The following RAB3GAP1 variants were observed in gnomAD, a reference collection of about 807,000 sequenced individuals.
RAB3GAP1 encodes the protein rab3 GTPase-activating protein catalytic subunit.
Under a neutral mutation model 130.7 loss-of-function variants are expected in RAB3GAP1, and 86 were observed. That is an observed-to-expected ratio of 0.66 (90% CI 0.55 to 0.79). RAB3GAP1 has a LOEUF of 0.79. Ranked by LOEUF, RAB3GAP1 falls within the 30% of genes least tolerant of loss-of-function variation. The pLI is 0.00. For missense variants in RAB3GAP1, 1,029 were observed against 1,169.4 expected (o/e 0.88, Z 1.75); for synonymous variants, 367 against 401.7 (o/e 0.91, Z 1.03).
intron 2 of RAB3GAP1, among the ~76,000 whole-genome samples, chr2:135,055,500 A>G (rs1274144498): frequency 1.3e-5 from 2 of 152,134 alleles, no homozygotes; most frequent in South Asian, 4.1e-4. Flanking sequence ...CAGCATGGCG[A>G]AACCTTGTCT....
intron 7 of RAB3GAP1, among the ~76,000 whole-genome samples, chr2:135,117,796 C>CTTCT (rs1553445350): frequency 2.3e-4 from 34 of 150,856 alleles, no homozygotes; most frequent in African/African-American, 8.2e-4. Context: ...GCTTCTTCTT[C>CTTCT]TTCTTCTTCT....
chr2:135,057,178 A>AGAC (rs1415034359), intron 2 of RAB3GAP1, among the ~76,000 whole-genome samples: 19 of 152,212 alleles, frequency 1.2e-4, no homozygotes, highest in Non-Finnish European at 1.5e-5. Flanking sequence ...ACTAGTTTTA[A>AGAC]GACCTGTCAC....
At chr2:135,106,744 A>G (rs564308554) in intron 5 of RAB3GAP1, among the ~76,000 whole-genome samples, 1 of 150,176 alleles carries the variant, frequency 6.7e-6, no homozygotes, top group Admixed American at 6.7e-5. Flanking sequence ...CCCAAGAATC[A>G]TCAATAAATA....
At chr2:135,095,299 C>T (rs1005206005) in intron 5 of RAB3GAP1, among the ~76,000 whole-genome samples, 2 of 152,184 alleles carry the variant, frequency 1.3e-5, no homozygotes, top group East Asian at 1.9e-4. Context: ...CCGCCCGCCT[C>T]GGCCTCCCAA....
chr2:135,072,581 T>C (rs1180299271), intron 3 of RAB3GAP1, among the ~76,000 whole-genome samples: 2 of 152,218 alleles, frequency 1.3e-5, no homozygotes, highest in African/African-American at 4.8e-5. Flanking sequence ...AATATTCTTT[T>C]TATAAATTTC....
Position 135,100,398 on chromosome 2 carries a change from C to T in RAB3GAP1, c.362+6705C>T, listed in dbSNP as rs187663953. 7.2e-5 allele frequency among the ~76,000 whole-genome samples: 11 copies of T among 152,328 alleles called. No homozygotes were observed. In the East Asian group the frequency reaches 1.9e-3, roughly 27 times the overall value. Reference sequence around the variant, plus strand: ...ATCATCCCCTGGTATTTTTCAGTCACCTTCTATGCTCGCTTTTGCCTTTCA... The same window carrying T: ...ATCATCCCCTGGTATTTTTCAGTCATCTTCTATGCTCGCTTTTGCCTTTCA... On this transcript the variant is annotated intron_variant, in intron 5 of 23. Transcript: ENST00000264158.
chr2:135,174,652 T>C (rs1233117133), downstream of RAB3GAP1, among the ~76,000 whole-genome samples: 2 of 152,228 alleles, frequency 1.3e-5, no homozygotes, highest in East Asian at 3.8e-4. Flanking sequence ...CTCAGCCCTA[T>C]TTTGGCCCAA....
At chr2:135,120,754 A>T (rs1691172595) in intron 7 of RAB3GAP1, 65 bp from the exon 8 acceptor site, 3 of 1,158,928 alleles carry the variant, frequency 2.6e-6, no homozygotes, top group Admixed American at 3.4e-5. Context: ...TGAAATTTTG[A>T]TGTTGAATTA....
intron 11 of RAB3GAP1, among the ~76,000 whole-genome samples, chr2:135,127,060 A>G (rs922970037): frequency 6.6e-6 from 1 of 151,862 alleles, no homozygotes; most frequent in South Asian, 2.1e-4. Context: ...TATTTTTAGT[A>G]GAGACGGGGT....
chr2:135,060,949 T>C (rs774077742), intron 3 of RAB3GAP1, among the ~76,000 whole-genome samples: 48 of 150,744 alleles, frequency 3.2e-4, no homozygotes, highest in Admixed American at 8.6e-4. Context: ...AGCAATCTGC[T>C]TGCCTGGGCC....
Position 135,130,678 on chromosome 2 carries a change from A to G in RAB3GAP1, c.1193A>G (p.Glu398Gly). 1 of 1,613,862 alleles carries G rather than the reference A, an allele frequency of 6.2e-7. No homozygotes were observed. ...AAAATCCGAAAACACAGAGGTGTAGAGGAGTCACCGCTAAATAATGATGTT... is the reference window on the plus strand; with the variant it reads ...AAAATCCGAAAACACAGAGGTGTAGGGGAGTCACCGCTAAATAATGATGTT... ...KKKIRKHRGV[E>G]ESPLNNDVLN... Residue 398 changes from glutamate to glycine, a missense_variant, in exon 13 of 24, where the codon GAG becomes GGG. Glu to Gly is a moderately conservative substitution (Grantham distance 98). This residue lies in a region of RAB3GAP1 where 510 missense variants were observed against 532.1 expected (regional missense o/e 0.96). Coordinates refer to ENST00000264158, the MANE Select transcript of RAB3GAP1 (RefSeq NM_012233.3).
At position 135,124,086 on chromosome 2, in the gene RAB3GAP1, T is replaced by C. The variant is rs62170244; in HGVS notation, c.749-79T>C. The C allele has an allele frequency of 0.035, 47,034 of 1,352,796 alleles. 1,036 individuals are homozygous for C. Among genetic ancestry groups the C allele is most frequent in the African/African-American group, 0.057 (3,964 of 69,382 alleles). 83.8% of individuals were successfully genotyped at this position (1,352,796 alleles called of 1,614,324 possible). A position where few individuals can be genotyped will look rare whatever the true frequency, so the allele number is the denominator to read the frequency against. On this transcript the variant is annotated intron_variant, in intron 8 of 23. Transcript: ENST00000264158. ...TCTCTTGCAGACACTTTTAAAGCTA[T>C]GATATTCCAAAGGGCTTAACTAGAT...
chr2:135,162,315 C>T, intron 19 of RAB3GAP1: 1 of 466,080 alleles, frequency 2.1e-6, no homozygotes, highest in Non-Finnish European at 3.8e-6. Context: ...TTTGTATTTT[C>T]CTTATTTGTG....
At chr2:135,086,374 C>G (rs1173507587) in intron 3 of RAB3GAP1, among the ~76,000 whole-genome samples, 1 of 152,096 alleles carries the variant, frequency 6.6e-6, no homozygotes. Context: ...CTCTGTGACA[C>G]TTGGCATTGT....
rs888669727 is a variant in RAB3GAP1, at chr2:135,153,885, G to A, written c.2289+9G>A. The A allele has an allele frequency of 1.9e-6, 3 of 1,608,552 alleles. No homozygotes were observed. In the African/African-American group the frequency reaches 4.0e-5, roughly 22 times the overall value. Reference sequence around the variant, plus strand: ...CACGGGAAGCAGAAAAGGTAATTGAGGTTTGAGTCTCTAATACTAGAATGC... The same window carrying A: ...CACGGGAAGCAGAAAAGGTAATTGAAGTTTGAGTCTCTAATACTAGAATGC... On this transcript the variant is annotated intron_variant, in intron 19 of 23. Transcript: ENST00000264158.
At chr2:135,135,527 C>G in intron 16 of RAB3GAP1, 37 bp from the exon 17 acceptor site, 1 of 1,537,628 alleles carries the variant, frequency 6.5e-7, no homozygotes, top group African/African-American at 1.4e-5. Context: ...TTTTCTGTAA[C>G]TAATTCAACT....
intron 3 of RAB3GAP1, among the ~76,000 whole-genome samples, chr2:135,083,618 C>A (rs1292146160): frequency 2.0e-5 from 3 of 150,774 alleles, no homozygotes; most frequent in Non-Finnish European, 4.4e-5. Context: ...TGTACCAACA[C>A]ATTAAAAAAA....
At chr2:135,064,409 A>G (rs1436986005) in intron 3 of RAB3GAP1, among the ~76,000 whole-genome samples, 1 of 151,476 alleles carries the variant, frequency 6.6e-6, no homozygotes, top group African/African-American at 2.4e-5. Flanking sequence ...AGGTTGAATA[A>G]TTTTTCTTGA....
chr2:135,142,001 A>G (rs1322299758), intron 17 of RAB3GAP1, among the ~76,000 whole-genome samples: 1 of 152,208 alleles, frequency 6.6e-6, no homozygotes, highest in African/African-American at 2.4e-5. Context: ...TTACTCTTCA[A>G]CATTATCTTA....
Sources: allele counts gnomAD v4.1 joint callset (sites outside exome capture counted in the v4.1 genomes callset), GRCh38; gene constraint gnomAD v4.1.1; regional missense constraint gnomAD v4.1.1; transcripts MANE v1.5; gene names NCBI Gene and HGNC (gene_info 2026-07-23, HGNC 2026-07-21).